Variants in SEC14L5 observed in about 807,000 individuals in gnomAD.
SEC14L5 encodes SEC14-like protein 5.
Under a neutral mutation model 84.6 loss-of-function variants are expected in SEC14L5, and 96 were observed. The ratio of observed to expected loss-of-function variants is 1.13; its 90% CI spans 0.96 to 1.34. The LOEUF (loss-of-function observed/expected upper bound fraction) is 1.34. Ranked by LOEUF, SEC14L5 falls within the 40% of genes most tolerant of loss-of-function variation. The pLI, the probability that SEC14L5 is intolerant of heterozygous loss-of-function variation, is 0.00. For synonymous variants in SEC14L5, 546 were observed against 383.4 expected, an observed-to-expected ratio of 1.42 and a Z score of -4.95; for missense variants, 1,224 against 942.5, an observed-to-expected ratio of 1.30 and a Z score of -3.91.
intron 14 of SEC14L5, among the ~76,000 whole-genome samples, chr16:5,009,966 A>C (rs982011874): frequency 2.0e-5 from 3 of 151,816 alleles, no homozygotes; most frequent in African/African-American, 7.3e-5. Flanking sequence ...GTTAGTTTGG[A>C]TAGAAGGGGA....
rs1051708151 is a variant in SEC14L5 at position 5,018,875 on chromosome 16, T to A, written c.*3905T>A. On this transcript the variant is annotated 3_prime_UTR_variant, in exon 16 of 16. Coordinates refer to ENST00000251170, the MANE Select transcript of SEC14L5 (RefSeq NM_014692.2). Reference sequence around the variant, plus strand: ...GTCCAATGAGAATAGTATAATTGTTTTCAACAAAGTCTCTTTGAGCCAGTG... The same window carrying A: ...GTCCAATGAGAATAGTATAATTGTTATCAACAAAGTCTCTTTGAGCCAGTG... 1 of 152,244 alleles carries A rather than the reference T, an allele frequency of 6.6e-6. No homozygotes were observed. The highest frequency in any genetic ancestry group is 1.5e-5 in the Non-Finnish European group (1 of 68,052). The allele number at this position is 152,244 out of a possible 1,614,324, so 9.4% of individuals were successfully genotyped here.
rs376800672 is a variant in SEC14L5 at position 4,990,719 on chromosome 16, G to C, written c.346-48G>C. The C allele has an allele frequency of 8.4e-6, 13 of 1,556,306 alleles. No individual in the cohort carries two copies. In the African/African-American group the frequency reaches 1.8e-4, roughly 21 times the overall value. The stretch of plus-strand genomic sequence containing the variant: ...GTGGGAGAGCCCTAGGGGAGGGCAG[G>C]GTGCCCCCGACATTGAGTCCCTGGC... On this transcript the variant is annotated intron_variant, in intron 4 of 15. Coordinates refer to ENST00000251170, the MANE Select transcript of SEC14L5 (RefSeq NM_014692.2).
chr16:4,972,027 CTT>C (rs775419037), intron 2 of SEC14L5, among the ~76,000 whole-genome samples: 11 of 145,624 alleles, frequency 7.6e-5, no homozygotes, highest in Admixed American at 1.4e-4. Context: ...GTGGCTTATT[CTT>C]TTTTTTTTTT....
At chr16:5,009,980 G>A (rs758064014) in intron 14 of SEC14L5, among the ~76,000 whole-genome samples, 22 of 151,864 alleles carry the variant, frequency 1.4e-4, no homozygotes, top group Admixed American at 4.6e-4. Context: ...AAGGGGAGGT[G>A]CTAAGGTCCT....
intron 10 of SEC14L5, 63 bp downstream of exon 10, chr16:5,000,988 C>T (rs1955670648): frequency 2.3e-6 from 3 of 1,284,524 alleles, no homozygotes; most frequent in South Asian, 2.5e-5. Flanking sequence ...GGAGAGGGGT[C>T]CACTGTGCAT....
At chr16:4,981,200 T>C (rs901248449) in intron 2 of SEC14L5, among the ~76,000 whole-genome samples, 1 of 150,650 alleles carries the variant, frequency 6.6e-6, no homozygotes, top group Non-Finnish European at 1.5e-5. Context: ...CACTGCAATC[T>C]CTGCCTCCCT....
chr16:4,966,149 G>A (rs901590488), intron 2 of SEC14L5, among the ~76,000 whole-genome samples: 11 of 151,520 alleles, frequency 7.3e-5, no homozygotes, highest in Admixed American at 1.3e-4. Context: ...CTATTTTTTA[G>A]TAGAGACGGG....
At chr16:5,005,828 C>A in intron 11 of SEC14L5, 86 bp from the exon 12 acceptor site, 1 of 1,333,970 alleles carries the variant, frequency 7.5e-7, no homozygotes, top group Non-Finnish European at 1.0e-6. Flanking sequence ...CATGCCACTG[C>A]ACTCCAGCCT....
At chr16:4,982,214 C>T (rs1018926934) in intron 2 of SEC14L5, among the ~76,000 whole-genome samples, 6 of 152,098 alleles carry the variant, frequency 3.9e-5, no homozygotes, top group East Asian at 1.9e-4. Flanking sequence ...CTCGGCCCCC[C>T]CCTCCCCCCG....
intron 7 of SEC14L5, among the ~76,000 whole-genome samples, 170 bp from the exon 8 acceptor site, chr16:4,996,685 C>T (rs1955613833): frequency 6.6e-6 from 1 of 152,048 alleles, no homozygotes. Flanking sequence ...AATTCTCCTG[C>T]CCTAGCCTCC....
chr16:4,980,602 GTGCCGAGGACCAAGCCCGGCA>G (rs1955410717), intron 2 of SEC14L5, among the ~76,000 whole-genome samples: 1 of 152,206 alleles, frequency 6.6e-6, no homozygotes, highest in Non-Finnish European at 1.5e-5. Flanking sequence ...CGCCAAGGGT[GTGCCGAGGACCAAGCCCGGCA>G]CAGGTATGAG....
Position 5,015,657 on chromosome 16 carries a change from C to G in SEC14L5, c.*687C>G, listed in dbSNP as rs1443953683. ...TGCCTCGAGGAGTACTGGGGTCCCCCCTAAGAAGAAGGAGGAAGGATGCTG... is the reference window on the plus strand; with the variant it reads ...TGCCTCGAGGAGTACTGGGGTCCCCGCTAAGAAGAAGGAGGAAGGATGCTG... On this transcript the variant is annotated 3_prime_UTR_variant, in exon 16 of 16. Coordinates refer to ENST00000251170, the MANE Select transcript of SEC14L5 (RefSeq NM_014692.2). 2.0e-5 allele frequency: 3 copies of G among 152,508 alleles called. No homozygotes were observed. Among genetic ancestry groups the G allele is most frequent in the African/African-American group, 7.2e-5 (3 of 41,466 alleles). 9.4% of individuals were successfully genotyped at this position (152,508 alleles called of 1,614,324 possible).
chr16:4,992,017 G>A lies in SEC14L5; in HGVS notation c.654G>A (p.Ala218=), dbSNP rs546792685. 6.4e-6 allele frequency: 10 copies of A among 1,570,968 alleles called. No individual in the cohort carries two copies. Among genetic ancestry groups the A allele is most frequent in the Admixed American group, 3.6e-5 (2 of 55,114 alleles). Reference sequence around the variant, plus strand: ...GCACCCTGGGGCCCGCTCTGGAGGCGGTCAGTATGGACGGTAGGTGGTACA... The same window carrying A: ...GCACCCTGGGGCCCGCTCTGGAGGCAGTCAGTATGGACGGTAGGTGGTACA... ...PRSTLGPALE[A]VSMDGDKLDA... The change falls in exon 6 of 16, where the codon GCG becomes GCA. Residue 218 remains alanine (A), a synonymous_variant. Coordinates refer to ENST00000251170, the MANE Select transcript of SEC14L5 (RefSeq NM_014692.2).
intron 2 of SEC14L5, 68 bp from the exon 3 acceptor site, chr16:4,987,489 G>T: frequency 7.8e-7 from 1 of 1,280,426 alleles, no homozygotes; most frequent in Admixed American, 2.8e-5. Context: ...CAGATAAGGA[G>T]GTCGCGCTGG....
In SEC14L5 at chr16:4,991,916, C is replaced by T. The variant is rs1042133522; in HGVS notation, c.553C>T (p.Pro185Ser). The change falls in exon 6 of 16, where the codon CCA becomes TCA. Residue 185 changes from proline to serine, a missense_variant. Physicochemically the swap from Pro to Ser is moderately conservative, Grantham distance 74. Coordinates refer to ENST00000251170, the MANE Select transcript of SEC14L5 (RefSeq NM_014692.2). ...GCACATTCCGCGCTGGACGCCTGCCCCAGTCCGTGAGGAGGATGCCCGCAA... is the reference window on the plus strand; with the variant it reads ...GCACATTCCGCGCTGGACGCCTGCCTCAGTCCGTGAGGAGGATGCCCGCAA... ...TSHIPRWTPAPVREEDARNQA... is the reference protein window; with the variant it reads ...TSHIPRWTPASVREEDARNQA... The T allele has an allele frequency of 1.9e-6, 3 of 1,607,354 alleles. No individual in the cohort carries two copies. The highest frequency in any genetic ancestry group is 1.7e-6 in the Non-Finnish European group (2 of 1,178,672).
chr16:4,962,686 C>CAAAA lies in SEC14L5; in HGVS notation c.63+3319_63+3322dup, dbSNP rs761644374. ...CTGGGGGAAGAGTGAAACTCTGTCT[C>CAAAA]AAAAAAAAAAAAAAAAAAAAAACTT... On this transcript the variant is annotated intron_variant, in intron 2 of 15. Coordinates refer to ENST00000251170, the MANE Select transcript of SEC14L5 (RefSeq NM_014692.2). Among the ~76,000 whole-genome samples, 71 of 81,038 alleles carry CAAAA rather than the reference C, an allele frequency of 8.8e-4. 4 individuals are homozygous for CAAAA. The highest frequency in any genetic ancestry group is 1.4e-3 in the Admixed American group (9 of 6,368). The allele number at this position is 81,038 out of a possible 152,430, so 53.2% of individuals were successfully genotyped here.
At chr16:4,991,262 A>G (rs1463600729) in intron 5 of SEC14L5, among the ~76,000 whole-genome samples, 1 of 151,310 alleles carries the variant, frequency 6.6e-6, no homozygotes, top group Non-Finnish European at 1.5e-5. Flanking sequence ...GTGATGAAAC[A>G]GATGAAATTA....
Position 5,014,924 on chromosome 16 carries a change from C to T in SEC14L5, c.2045C>T (p.Ser682Phe), listed in dbSNP as rs1296366510. 2.5e-6 allele frequency: 4 copies of T among 1,610,960 alleles called. No homozygotes were observed. The South Asian group carries it at 4.4e-5, about 18-fold the overall frequency. ...TCCCAGCTCAGCGCCGCCACCTCGT[C>T]CTCCTCCTCCGGCCAGTCTCATAGC... is the stretch of plus-strand genomic sequence containing the variant. ...GFSQLSAATS[S>F]SSSGQSHSSS... The change falls in exon 16 of 16, where the codon TCC becomes TTC. Residue 682 changes from serine to phenylalanine, a missense_variant. By Grantham distance (155) the Ser-to-Phe change is radical. Coordinates refer to ENST00000251170, the MANE Select transcript of SEC14L5 (RefSeq NM_014692.2).
intron 11 of SEC14L5, among the ~76,000 whole-genome samples, chr16:5,003,993 C>T (rs1955705431): frequency 6.6e-6 from 1 of 152,250 alleles, no homozygotes; most frequent in Non-Finnish European, 1.5e-5. Flanking sequence ...CGCACACATA[C>T]ACCCACGCCC....
Sources: allele counts gnomAD v4.1 joint callset (sites outside exome capture counted in the v4.1 genomes callset), GRCh38; gene constraint gnomAD v4.1.1; transcripts MANE v1.5; gene names NCBI Gene and HGNC (gene_info 2026-07-23, HGNC 2026-07-21).